The following GALNT3 variants were observed in gnomAD, a reference collection of about 807,000 sequenced individuals.
The protein encoded by GALNT3 is GalNAc transferase 3.
Under a neutral mutation model 69.8 loss-of-function variants are expected in GALNT3, and 51 were observed. That is an observed-to-expected ratio of 0.73 (90% CI 0.58 to 0.92). The LOEUF (loss-of-function observed/expected upper bound fraction) is 0.92, where lower values mean the gene tolerates loss of function less well. Ranked by LOEUF, GALNT3 falls within the 40% of genes least tolerant of loss-of-function variation. The probability of loss-of-function intolerance (pLI) is 0.00; values close to 1 mark genes in which losing one functional copy is unlikely to be tolerated. For synonymous variants in GALNT3, 265 were observed against 248.5 expected (o/e 1.07, Z -0.63); for missense variants, 711 against 760.0 (o/e 0.94, Z 0.76).
intron 8 of GALNT3, 98 bp downstream of exon 8, chr2:165,754,834 A>G: frequency 7.0e-7 from 1 of 1,430,154 alleles, no homozygotes; most frequent in Non-Finnish European, 9.7e-7. Flanking sequence ...TAAAATCTCA[A>G]AAGCAATAAA....
At chr2:165,789,849 G>A (rs1401698524) in intron 1 of GALNT3, among the ~76,000 whole-genome samples, 1 of 152,198 alleles carries the variant, frequency 6.6e-6, no homozygotes, top group Non-Finnish European at 1.5e-5. Flanking sequence ...AATCCACTAA[G>A]TTGAATACAC....
rs570911384 is a variant in GALNT3, at chr2:165,769,376, A to G, written c.515+810T>C. On this transcript the variant is annotated intron_variant, in intron 2 of 10. Transcript: ENST00000392701. The stretch of plus-strand genomic sequence containing the variant: ...AGCCGAGATCACACTACTGCACTCC[A>G]GCCTCAGTGAAAGAGAAAGACTCCA... Among the ~76,000 whole-genome samples, 710 of 147,510 alleles carry G rather than the reference A, an allele frequency of 4.8e-3. 4 individuals carry two copies. Among genetic ancestry groups the G allele is most frequent in the African/African-American group, 0.017 (688 of 40,574 alleles).
At position 165,759,516 on chromosome 2, in the gene GALNT3, TA is replaced by T. The variant is rs762936774; in HGVS notation, c.892del (p.Tyr298ThrfsTer5). On this transcript the variant is annotated frameshift_variant, in exon 5 of 11. Coordinates refer to ENST00000392701, the MANE Select transcript of GALNT3 (RefSeq NM_004482.4). LOFTEE classifies it high-confidence loss of function. ...EPLLARIAEN[Y>X]TAVVSPDIAS... ...AATATCTGGACTTACGACAGCCGTG[TA>T]GTTCTCAGCTATTCTGGCCAACAGA... 72 of 1,613,948 alleles carry T rather than the reference TA, an allele frequency of 4.5e-5. No individual in the cohort carries two copies. Among genetic ancestry groups the T allele is most frequent in the Non-Finnish European group, 6.1e-5 (72 of 1,180,020 alleles).
intron 9 of GALNT3, among the ~76,000 whole-genome samples, chr2:165,754,039 T>A (rs1688399911): frequency 6.6e-6 from 1 of 151,998 alleles, no homozygotes; most frequent in Non-Finnish European, 1.5e-5. Flanking sequence ...TTAAAAAAAA[T>A]TTCAAATGGC....
intron 9 of GALNT3, among the ~76,000 whole-genome samples, chr2:165,752,025 A>G (rs1688365175): frequency 6.6e-6 from 1 of 152,156 alleles, no homozygotes; most frequent in South Asian, 2.1e-4. Flanking sequence ...TTCTGCTCAA[A>G]ACTCTTCAAT....
At chr2:165,769,287 T>A (rs1410513089) in intron 2 of GALNT3, among the ~76,000 whole-genome samples, 1 of 146,596 alleles carries the variant, frequency 6.8e-6, no homozygotes, top group Non-Finnish European at 1.5e-5. Context: ...ATGCCTGTAG[T>A]CCCAGCTGCT....
intron 10 of GALNT3, 151 bp from the exon 11 acceptor site, chr2:165,749,054 G>A: frequency 2.7e-6 from 2 of 734,984 alleles, no homozygotes; most frequent in Non-Finnish European, 4.5e-6. Context: ...GGCTTCTAGT[G>A]TAAATGCCAC....
At position 165,748,204 on chromosome 2, in the gene GALNT3, A is replaced by G; in HGVS notation, c.*577T>C. The G allele has an allele frequency of 5.1e-6, 1 of 196,518 alleles. No homozygotes were observed. The highest frequency in any genetic ancestry group is 1.1e-5 in the Non-Finnish European group (1 of 94,786). The allele number at this position is 196,518 out of a possible 1,614,324, so 12.2% of individuals were successfully genotyped here. A position where few individuals can be genotyped will look rare whatever the true frequency, so the allele number is the denominator to read the frequency against. ...TTTGCCAAGAAATTTAAGTGTTAAA[A>G]ATACTCTTCTCCTTATTCAGTTTCA... On this transcript the variant is annotated 3_prime_UTR_variant, in exon 11 of 11. Transcript: ENST00000392701.
chr2:165,777,208 T>A (rs1033216495), intron 1 of GALNT3, among the ~76,000 whole-genome samples: 1 of 152,176 alleles, frequency 6.6e-6, no homozygotes, highest in African/African-American at 2.4e-5. Flanking sequence ...TGCTGTGATG[T>A]CTAATTTGGT....
intron 1 of GALNT3, among the ~76,000 whole-genome samples, chr2:165,789,653 G>T (rs779884149): frequency 2.6e-5 from 4 of 151,772 alleles, no homozygotes; most frequent in Non-Finnish European, 4.4e-5. Flanking sequence ...AGGATCACTT[G>T]AGTCCAGGAG....
At chr2:165,793,034 T>C (rs529320741) in intron 1 of GALNT3, among the ~76,000 whole-genome samples, 4 of 152,294 alleles carry the variant, frequency 2.6e-5, no homozygotes, top group Middle Eastern at 6.8e-3. Flanking sequence ...GGTAACTCGA[T>C]GGGGTTCTTA....
intron 1 of GALNT3, among the ~76,000 whole-genome samples, chr2:165,779,367 T>C (rs1683052247): frequency 6.6e-6 from 1 of 152,102 alleles, no homozygotes; most frequent in Admixed American, 6.5e-5. Context: ...AGCAGCAAAG[T>C]CTACACTTTT....
At position 165,768,766 on chromosome 2, in the gene GALNT3, T is replaced by C. The variant is rs191580894; in HGVS notation, c.515+1420A>G. Reference sequence around the variant, plus strand: ...CAAAGCAAAATACACAGGCATTGTTTGCTTCCAGTTTGCTTATCTTGTACT... The same window carrying C: ...CAAAGCAAAATACACAGGCATTGTTCGCTTCCAGTTTGCTTATCTTGTACT... On this transcript the variant is annotated intron_variant, in intron 2 of 10. Coordinates refer to ENST00000392701, the MANE Select transcript of GALNT3 (RefSeq NM_004482.4). Among the ~76,000 whole-genome samples the C allele has an allele frequency of 6.3e-3, 954 of 151,594 alleles. 10 individuals are homozygous for C. Among genetic ancestry groups the C allele is most frequent in the African/African-American group, 0.022 (898 of 41,334 alleles).
intron 6 of GALNT3, among the ~76,000 whole-genome samples, chr2:165,758,305 A>G (rs1176288758): frequency 6.6e-6 from 1 of 152,226 alleles, no homozygotes; most frequent in African/African-American, 2.4e-5. Flanking sequence ...GAGTCTACCC[A>G]AAGCCTTTTT....
intron 2 of GALNT3, among the ~76,000 whole-genome samples, chr2:165,768,018 C>T (rs1335995698): frequency 2.0e-5 from 3 of 151,898 alleles, no homozygotes; most frequent in Non-Finnish European, 2.9e-5. Context: ...GGACTACAGG[C>T]GCACATCACC....
intron 1 of GALNT3, among the ~76,000 whole-genome samples, chr2:165,791,517 C>T (rs72883348): frequency 0.019 from 2,880 of 152,108 alleles, 38 homozygotes; most frequent in Middle Eastern, 0.11. Context: ...TATACACTCA[C>T]ATTGGAGTTT....
intron 2 of GALNT3, among the ~76,000 whole-genome samples, chr2:165,768,580 T>C (rs1688689615): frequency 6.6e-6 from 1 of 152,196 alleles, no homozygotes; most frequent in African/African-American, 2.4e-5. Flanking sequence ...CAGATTAGAA[T>C]AGCTCAACAG....
intron 3 of GALNT3, among the ~76,000 whole-genome samples, chr2:165,764,424 TAA>T: frequency 6.6e-6 from 1 of 152,362 alleles, no homozygotes; most frequent in South Asian, 2.1e-4. Flanking sequence ...AATGGCATGT[TAA>T]GTTTAATTAG....
chr2:165,749,324 T>C (rs1688314690), intron 10 of GALNT3, among the ~76,000 whole-genome samples: 1 of 152,122 alleles, frequency 6.6e-6, no homozygotes, highest in Admixed American at 6.6e-5. Flanking sequence ...TTATGTATTC[T>C]CTCAATTCTA....
Sources: gnomAD v4.1 joint callset for allele counts (sites outside exome capture counted in the v4.1 genomes callset) on GRCh38, gnomAD v4.1.1 for gene constraint, MANE v1.5 for transcripts, NCBI Gene and HGNC (gene_info 2026-07-23, HGNC 2026-07-21) for gene names.